Variants in THOC7 observed in about 807,000 individuals in gnomAD.
THOC7 encodes the protein NIF3L1-binding protein 1.
Under a neutral mutation model 33.1 loss-of-function variants are expected in THOC7, and 22 were observed. That is an observed-to-expected ratio of 0.66 (90% confidence interval 0.47 to 0.95). The LOEUF (loss-of-function observed/expected upper bound fraction) is 0.95. Ranked by LOEUF, THOC7 falls within the 40% of genes least tolerant of loss-of-function variation. The probability of loss-of-function intolerance (pLI) is 0.00; values close to 1 mark genes in which losing one functional copy is unlikely to be tolerated. For synonymous variants in THOC7, 77 were observed against 76.8 expected (o/e 1.00, Z -0.01); for missense variants, 184 against 245.3 (o/e 0.75, Z 1.67).
At chr3:63,834,914 C>G (rs2107114695) in intron 7 of THOC7, among the ~76,000 whole-genome samples, 2 of 152,186 alleles carry the variant, frequency 1.3e-5, no homozygotes, top group African/African-American at 4.8e-5. Context: ...AATCTATCAT[C>G]CTTGAATTTT....
rs1701613705 is a variant in THOC7, at chr3:63,835,511, A to G, written c.411-121T>C. The G allele has an allele frequency of 6.7e-6, 5 of 742,274 alleles. No individual in the cohort carries two copies. The South Asian group carries it at 8.2e-5, about 12-fold the overall frequency. 46.0% of individuals were successfully genotyped at this position (742,274 alleles called of 1,614,324 possible). A position where few individuals can be genotyped will look rare whatever the true frequency, so the allele number is the denominator to read the frequency against. ...ATAAAAAAAGGGCTTATAAGGAGTT[A>G]TAACACTCCATTATGGTGAAACTTT... is the stretch of plus-strand genomic sequence containing the variant. On this transcript the variant is annotated intron_variant, in intron 5 of 7. Transcript: ENST00000295899.
upstream of THOC7, chr3:63,863,946 GCGCCGCGCCGCCGC>G (rs1261736992): frequency 9.8e-5 from 9 of 91,832 alleles, no homozygotes; most frequent in Non-Finnish European, 1.8e-4. Flanking sequence ...GAGCCGCGCC[GCGCCGCGCCGCCGC>G]CGCCGCCGCC....
chr3:63,841,166 A>T (rs530920580), intron 1 of THOC7, among the ~76,000 whole-genome samples: 1 of 152,302 alleles, frequency 6.6e-6, no homozygotes, highest in Admixed American at 6.5e-5. Flanking sequence ...AGGTGTAGAA[A>T]AGCATATACA....
At chr3:63,842,012 A>C (rs915228920) in intron 1 of THOC7, among the ~76,000 whole-genome samples, 1 of 152,190 alleles carries the variant, frequency 6.6e-6, no homozygotes, top group Admixed American at 6.5e-5. Context: ...AGTAATAGGA[A>C]AACAACATCT....
chr3:63,863,926 T>G, upstream of THOC7: 1 of 732,826 alleles, frequency 1.4e-6, no homozygotes, highest in Non-Finnish European at 1.7e-6. Flanking sequence ...GGCCGCCTGC[T>G]CCGACGCCTG....
chr3:63,862,426 T>A (rs1263089682), intron 1 of THOC7, among the ~76,000 whole-genome samples: 1 of 152,246 alleles, frequency 6.6e-6, no homozygotes, highest in Non-Finnish European at 1.5e-5. Flanking sequence ...AACTCATTAG[T>A]CAATGTTTCT....
At chr3:63,835,040 C>T (rs1355749053) in intron 7 of THOC7, 114 bp downstream of exon 7, 10 of 1,013,280 alleles carry the variant, frequency 9.9e-6, no homozygotes, top group East Asian at 2.6e-5. Flanking sequence ...TCCAGCTACA[C>T]TGTTCAGAAA....
At chr3:63,857,225 A>T (rs1196602478) in intron 1 of THOC7, among the ~76,000 whole-genome samples, 1 of 152,220 alleles carries the variant, frequency 6.6e-6, no homozygotes, top group East Asian at 1.9e-4. Flanking sequence ...CATTTTTCAT[A>T]TTGTGCATTT....
intron 1 of THOC7, among the ~76,000 whole-genome samples, chr3:63,842,792 G>C (rs1701796667): frequency 6.6e-6 from 1 of 152,052 alleles, no homozygotes; most frequent in Admixed American, 6.6e-5. Flanking sequence ...CCGGGTGACA[G>C]GTGCACTAAA....
At chr3:63,856,987 G>C (rs1396201879) in intron 1 of THOC7, among the ~76,000 whole-genome samples, 1 of 152,166 alleles carries the variant, frequency 6.6e-6, no homozygotes, top group Non-Finnish European at 1.5e-5. Flanking sequence ...CCAAGTGCTG[G>C]GATTACAGGC....
chr3:63,836,235 C>G lies in THOC7; in HGVS notation c.410+66G>C, dbSNP rs1383980857. 8 of 1,466,940 alleles carry G rather than the reference C, an allele frequency of 5.5e-6. No homozygotes were observed. In the Admixed American group the frequency reaches 1.1e-4, roughly 21 times the overall value. The allele number at this position is 1,466,940 out of a possible 1,614,324, so 90.9% of individuals were successfully genotyped here. A position where few individuals can be genotyped will look rare whatever the true frequency, so the allele number is the denominator to read the frequency against. ...ATTTATTTCTGCAAAAATGAAATGCCTACGGTAGTTTTCGAGCATTTATGT... is the reference window on the plus strand; with the variant it reads ...ATTTATTTCTGCAAAAATGAAATGCGTACGGTAGTTTTCGAGCATTTATGT... On this transcript the variant is annotated intron_variant, in intron 5 of 7. Transcript: ENST00000295899.
chr3:63,861,849 C>A (rs1702225139), intron 1 of THOC7: 2 of 150,654 alleles, frequency 1.3e-5, no homozygotes, highest in South Asian at 4.2e-4. Flanking sequence ...CTGGAGTGCA[C>A]TGGCGCGATC....
intron 3 of THOC7, 141 bp downstream of exon 3, chr3:63,838,231 A>G: frequency 2.2e-6 from 2 of 908,044 alleles, no homozygotes; most frequent in Non-Finnish European, 3.2e-6. Context: ...CACATTTTTT[A>G]TAGCTAACAT....
intron 1 of THOC7, chr3:63,848,419 G>C (rs2107147307): frequency 6.6e-6 from 1 of 152,230 alleles, no homozygotes; most frequent in Admixed American, 6.6e-5. Flanking sequence ...CCACCTATGA[G>C]CTGGAAGTCC....
intron 1 of THOC7, among the ~76,000 whole-genome samples, chr3:63,863,000 C>T (rs1425223954): frequency 6.6e-6 from 1 of 152,094 alleles, no homozygotes; most frequent in Non-Finnish European, 1.5e-5. Flanking sequence ...CATCTTTTAT[C>T]GTCCTGATCT....
At chr3:63,847,125 T>C (rs796157047) in intron 1 of THOC7, among the ~76,000 whole-genome samples, 4 of 152,090 alleles carry the variant, frequency 2.6e-5, no homozygotes, top group African/African-American at 7.2e-5. Flanking sequence ...AACCAGGACA[T>C]TGGAAAAAGG....
chr3:63,860,117 T>A (rs1702181244), intron 1 of THOC7, among the ~76,000 whole-genome samples: 1 of 152,026 alleles, frequency 6.6e-6, no homozygotes, highest in Non-Finnish European at 1.5e-5. Context: ...TACCTACAGG[T>A]GTGTTCCACT....
intron 1 of THOC7, among the ~76,000 whole-genome samples, chr3:63,849,006 T>G (rs889267985): frequency 6.6e-6 from 1 of 152,240 alleles, no homozygotes; most frequent in African/African-American, 2.4e-5. Flanking sequence ...CAACAAAGAA[T>G]CTGTTCTCTT....
At chr3:63,844,738 T>C (rs1238102786) in intron 1 of THOC7, among the ~76,000 whole-genome samples, 1 of 152,242 alleles carries the variant, frequency 6.6e-6, no homozygotes, top group African/African-American at 2.4e-5. Flanking sequence ...CCTTTTGCCA[T>C]GTTATGACAC....
Sources: gnomAD v4.1 joint callset for allele counts (sites outside exome capture counted in the v4.1 genomes callset) on GRCh38, gnomAD v4.1.1 for gene constraint, MANE v1.5 for transcripts, NCBI Gene and HGNC (gene_info 2026-07-23, HGNC 2026-07-21) for gene names.